OTOGL: variants seen among roughly 807,000 people sequenced by gnomAD.
OTOGL encodes the protein otogelin-like protein.
In OTOGL, 285 loss-of-function variants were observed where a neutral mutation model predicts 318.5. The ratio of observed to expected loss-of-function variants is 0.89; its 90% CI spans 0.81 to 0.99. The LOEUF is 0.99. Ranked by LOEUF, OTOGL falls within the 50% of genes least tolerant of loss-of-function variation. OTOGL has a pLI of 0.00. For missense variants in OTOGL, 2,899 were observed against 2,845.6 expected (o/e 1.02, Z -0.43); for synonymous variants, 987 against 936.5 (o/e 1.05, Z -0.99).
intron 44 of OTOGL, among the ~76,000 whole-genome samples, chr12:80,347,683 T>C (rs992184919): frequency 5.9e-5 from 9 of 152,168 alleles, no homozygotes; most frequent in African/African-American, 2.2e-4. Flanking sequence ...TTCTAGATCC[T>C]TGAGGAATTG....
At chr12:80,249,610 GT>G (rs1227662427) in intron 11 of OTOGL, among the ~76,000 whole-genome samples, 1 of 152,098 alleles carries the variant, frequency 6.6e-6, no homozygotes, top group Non-Finnish European at 1.5e-5. Context: ...GGTTACTGCT[GT>G]CTTTTTGTTT....
At chr12:80,122,234 T>A (rs903836908) in intron 1 of OTOGL, among the ~76,000 whole-genome samples, 2 of 152,078 alleles carry the variant, frequency 1.3e-5, no homozygotes, top group Non-Finnish European at 2.9e-5. Context: ...AGTTCTAGGA[T>A]AAAATTCCAA....
In OTOGL at chr12:80,108,803, A is replaced by ACG. The variant is rs1565863156; in HGVS notation, c.-20+9198_-20+9199insCG. On this transcript the variant is annotated intron_variant, in intron 1 of 58. Coordinates refer to ENST00000547103, the MANE Select transcript of OTOGL (RefSeq NM_001378609.3). ...TATATATATGTATATATATATATGT[A>ACG]TATATATATGTGTATATATATGTAT... 8.1e-5 allele frequency among the ~76,000 whole-genome samples: 3 copies of ACG among 37,030 alleles called. 1 individual carries two copies. Among genetic ancestry groups the ACG allele is most frequent in the Non-Finnish European group, 2.5e-4 (3 of 12,242 alleles). 24.3% of individuals were successfully genotyped at this position (37,030 alleles called of 152,430 possible).
At position 80,232,879 on chromosome 12, in the gene OTOGL, T is replaced by C. The variant is rs1432221348; in HGVS notation, c.612-13T>C. The C allele has an allele frequency of 7.0e-6, 11 of 1,576,836 alleles. No individual in the cohort carries two copies. The highest frequency in any genetic ancestry group is 5.0e-5 in the Admixed American group (3 of 59,656). On this transcript the variant is annotated splice_polypyrimidine_tract_variant and intron_variant, in intron 8 of 58. Coordinates refer to ENST00000547103, the MANE Select transcript of OTOGL (RefSeq NM_001378609.3). The stretch of plus-strand genomic sequence containing the variant: ...ATCATCATTCTTAGATAGCTTTTGT[T>C]CTGTTTTTCAAGTTTAACATTGCCT...
intron 13 of OTOGL, 138 bp from the exon 14 acceptor site, chr12:80,253,328 T>A: frequency 2.8e-6 from 2 of 715,834 alleles, no homozygotes; most frequent in Non-Finnish European, 4.6e-6. Flanking sequence ...TTGTCAGTAA[T>A]CCCACTGAAA....
intron 9 of OTOGL, 72 bp downstream of exon 9, chr12:80,233,169 C>T: frequency 7.4e-7 from 1 of 1,351,062 alleles, no homozygotes; most frequent in Admixed American, 2.6e-5. Context: ...TTGTTTGTAC[C>T]CAGAAGACTT....
intron 11 of OTOGL, among the ~76,000 whole-genome samples, chr12:80,250,135 C>T (rs1461397525): frequency 6.6e-6 from 1 of 152,204 alleles, no homozygotes; most frequent in Non-Finnish European, 1.5e-5. Flanking sequence ...CTGTGTCGCT[C>T]ACGCTGGGAG....
At position 80,332,480 on chromosome 12, in the gene OTOGL, A is replaced by G. The variant is rs576850442; in HGVS notation, c.4349-525A>G. 6.6e-5 allele frequency among the ~76,000 whole-genome samples: 10 copies of G among 152,250 alleles called. No homozygotes were observed. The East Asian group carries it at 7.7e-4, about 12-fold the overall frequency. On this transcript the variant is annotated intron_variant, in intron 37 of 58. Coordinates refer to ENST00000547103, the MANE Select transcript of OTOGL (RefSeq NM_001378609.3). ...CCTCACAGATGTGTTTACCAATCAC[A>G]TCTCCCTTTTCTATGGGTCACTCCT...
At chr12:80,249,827 C>T (rs370211792) in intron 11 of OTOGL, among the ~76,000 whole-genome samples, 1 of 151,976 alleles carries the variant, frequency 6.6e-6, no homozygotes, top group Non-Finnish European at 1.5e-5. Context: ...ACTCCGTGGG[C>T]GTAGGACCCT....
intron 42 of OTOGL, among the ~76,000 whole-genome samples, chr12:80,338,251 T>C (rs758901788): frequency 1.3e-5 from 2 of 152,062 alleles, no homozygotes; most frequent in Non-Finnish European, 2.9e-5. Flanking sequence ...CTTAATGTCT[T>C]ATAGTTTGTA....
intron 26 of OTOGL, among the ~76,000 whole-genome samples, chr12:80,288,418 T>A (rs148749178): frequency 1.9e-3 from 291 of 152,252 alleles, no homozygotes; most frequent in African/African-American, 6.7e-3. Flanking sequence ...GGTGTTCTCG[T>A]ATTTCCTGAA....
chr12:80,314,396 A>G (rs1886844058), intron 32 of OTOGL, 65 bp downstream of exon 32: 1 of 621,428 alleles, frequency 1.6e-6, no homozygotes, highest in Non-Finnish European at 2.3e-6. Flanking sequence ...CATATTAAAA[A>G]TTTTTGAACA....
intron 1 of OTOGL, among the ~76,000 whole-genome samples, chr12:80,119,730 T>C (rs1193890134): frequency 1.3e-5 from 2 of 152,210 alleles, no homozygotes; most frequent in Non-Finnish European, 2.9e-5. Context: ...TACTATGTCT[T>C]AGTTATCTGT....
chr12:80,283,712 C>T (rs1565953520), intron 26 of OTOGL, among the ~76,000 whole-genome samples: 2 of 152,010 alleles, frequency 1.3e-5, no homozygotes, highest in African/African-American at 2.4e-5. Context: ...CAATCTAACA[C>T]TTGTGATAAA....
rs397687373 is a variant in OTOGL at position 80,327,958 on chromosome 12, C to CAAAAAAAAAAAAAA, written c.4200-693_4200-680dup. ...TGGGTGACAGAGCGAGACTCTGTCTCAAAAAAAAAAAAAAAAAAAAAAAAA... is the reference window on the plus strand; with the variant it reads ...TGGGTGACAGAGCGAGACTCTGTCTCAAAAAAAAAAAAAAAAAAAAAAAAAAAAAAAAAAAAAAA... On this transcript the variant is annotated intron_variant, in intron 35 of 58. Transcript: ENST00000547103. Among the ~76,000 whole-genome samples the CAAAAAAAAAAAAAA allele has an allele frequency of 1.3e-4, 4 of 30,926 alleles. 1 individual carries two copies. Among genetic ancestry groups the CAAAAAAAAAAAAAA allele is most frequent in the African/African-American group, 7.5e-4 (4 of 5,358 alleles). 20.3% of individuals were successfully genotyped at this position (30,926 alleles called of 152,430 possible).
intron 22 of OTOGL, 72 bp downstream of exon 22, chr12:80,267,399 A>G: frequency 4.3e-6 from 3 of 695,700 alleles, no homozygotes; most frequent in South Asian, 9.4e-5. Flanking sequence ...TTTTATATAT[A>G]TATATATATT....
intron 11 of OTOGL, among the ~76,000 whole-genome samples, chr12:80,246,212 G>A (rs1041038280): frequency 2.7e-5 from 4 of 149,548 alleles, no homozygotes; most frequent in African/African-American, 7.7e-5. Context: ...GAATAGGAGC[G>A]GTGAGAGAGA....
At position 80,285,819 on chromosome 12, in the gene OTOGL, C is replaced by A. The variant is rs139684866; in HGVS notation, c.2928+6653C>A. 2.3e-3 allele frequency among the ~76,000 whole-genome samples: 348 copies of A among 152,218 alleles called. 1 individual carries two copies. The highest frequency in any genetic ancestry group is 8.0e-3 in the African/African-American group (334 of 41,558). ...AATATACAATTATGTCATCTGCAAA[C>A]CGAGACAATTTGATGTTCTCTCTTC... is the stretch of plus-strand genomic sequence containing the variant. On this transcript the variant is annotated intron_variant, in intron 26 of 58. Transcript: ENST00000547103.
rs143621026 is a variant in OTOGL, at chr12:80,320,506, T to G, written c.3887T>G (p.Leu1296Arg). The change falls in exon 34 of 59, where the codon CTG (leucine) becomes CGG (arginine). Residue 1296 changes from leucine to arginine, a missense_variant. Transcript: ENST00000547103. ...GACAATGATACTCTTAGCTTGGAGC[T>G]GTGGGAGGCGAATTCAGCCTTTCAT... ...VHDNDTLSLE[L>R]WEANSAFHRR... 62 of 1,613,670 alleles carry G rather than the reference T, an allele frequency of 3.8e-5. No individual in the cohort carries two copies. In the African/African-American group the frequency reaches 8.3e-4, roughly 22 times the overall value.
Sources: allele counts gnomAD v4.1 joint callset (sites outside exome capture counted in the v4.1 genomes callset), GRCh38; gene constraint gnomAD v4.1.1; transcripts MANE v1.5; gene names NCBI Gene and HGNC (gene_info 2026-07-23, HGNC 2026-07-21).